The following RYR2 variants were observed in gnomAD, a reference collection of about 807,000 sequenced individuals.
The protein encoded by RYR2 is cardiac muscle ryanodine receptor-calcium release channel.
A neutral mutation model predicts 601.1 loss-of-function variants in RYR2; 227 were observed. That is an observed-to-expected ratio of 0.38 (90% CI 0.34 to 0.42). The LOEUF (loss-of-function observed/expected upper bound fraction) is 0.42, where lower values mean the gene tolerates loss of function less well. RYR2 is among the 10% of genes least tolerant of loss of function. RYR2 has a pLI of 1.00. For missense variants in RYR2, 4,646 were observed against 6,156.5 expected, an observed-to-expected ratio of 0.75 and a Z score of 8.21; for synonymous variants, 2,223 against 2,175.1, an observed-to-expected ratio of 1.02 and a Z score of -0.61.
intron 44 of RYR2, among the ~76,000 whole-genome samples, chr1:237,636,019 C>T (rs999702260): frequency 4.3e-5 from 5 of 115,334 alleles, no homozygotes; most frequent in African/African-American, 2.0e-4. Flanking sequence ...AAAACTGAAA[C>T]CTTTTCTCCA....
At position 237,791,575 on chromosome 1, in the gene RYR2, AGAT is replaced by A. The variant is rs1400338975; in HGVS notation, c.13563+61_13563+63del. On this transcript the variant is annotated intron_variant, in intron 93 of 104. Coordinates refer to ENST00000366574, the MANE Select transcript of RYR2 (RefSeq NM_001035.3). The stretch of plus-strand genomic sequence containing the variant: ...AAACTCCAAATAGAAATGAATGTAA[AGAT>A]TTCACGATGAACGTATCTACTACTG... 4.6e-6 allele frequency: 4 copies of A among 874,798 alleles called. No individual in the cohort carries two copies. The Admixed American group carries it at 8.1e-5, about 18-fold the overall frequency. 54.2% of individuals were successfully genotyped at this position (874,798 alleles called of 1,614,324 possible). A position where few individuals can be genotyped will look rare whatever the true frequency, so the allele number is the denominator to read the frequency against.
At position 237,687,519 on chromosome 1, in the gene RYR2, G is replaced by A; in HGVS notation, c.9067+15G>A. The A allele has an allele frequency of 6.3e-7, 1 of 1,597,962 alleles. No individual in the cohort carries two copies. The highest frequency in any genetic ancestry group is 8.6e-7 in the Non-Finnish European group (1 of 1,167,938). On this transcript the variant is annotated intron_variant, in intron 63 of 104. Coordinates refer to ENST00000366574, the MANE Select transcript of RYR2 (RefSeq NM_001035.3). Reference sequence around the variant, plus strand: ...TTCACTATTTGGTAAGGAGACCCTTGAAAAAATACAAGCATGGCCATCACT... The same window carrying A: ...TTCACTATTTGGTAAGGAGACCCTTAAAAAAATACAAGCATGGCCATCACT...
intron 3 of RYR2, chr1:237,352,704 C>A: frequency 4.6e-6 from 1 of 217,196 alleles, no homozygotes. Context: ...TTTAATGTTA[C>A]AATAAGACCG....
chr1:237,360,627 C>T (rs1397759291), intron 4 of RYR2, among the ~76,000 whole-genome samples: 1 of 151,984 alleles, frequency 6.6e-6, no homozygotes, highest in Non-Finnish European at 1.5e-5. Context: ...ACAAATCTGC[C>T]GAAAAATAGA....
chr1:237,425,846 G>C (rs1344049086), intron 12 of RYR2, among the ~76,000 whole-genome samples: 1 of 152,018 alleles, frequency 6.6e-6, no homozygotes, highest in Non-Finnish European at 1.5e-5. Flanking sequence ...TGTCGTTCAA[G>C]AATCAACTGT....
intron 1 of RYR2, among the ~76,000 whole-genome samples, chr1:237,054,976 T>C (rs1661798762): frequency 6.6e-6 from 1 of 152,170 alleles, no homozygotes; most frequent in Non-Finnish European, 1.5e-5. Context: ...CCGGGAGCAC[T>C]GTTTCCTTTC....
At chr1:237,508,588 T>G (rs1665509930) in intron 23 of RYR2, among the ~76,000 whole-genome samples, 1 of 152,044 alleles carries the variant, frequency 6.6e-6, no homozygotes, top group South Asian at 2.1e-4. Context: ...GTGGTTATGT[T>G]TTGCAGTGGA....
intron 3 of RYR2, among the ~76,000 whole-genome samples, chr1:237,338,604 T>C (rs1697466686): frequency 6.6e-6 from 1 of 152,236 alleles, no homozygotes; most frequent in Non-Finnish European, 1.5e-5. Flanking sequence ...AATAGCAGCC[T>C]GTTCAGTCTT....
intron 80 of RYR2, among the ~76,000 whole-genome samples, chr1:237,744,001 A>G (rs12143088): frequency 0.064 from 9,767 of 152,200 alleles, 376 homozygotes; most frequent in South Asian, 0.093. Flanking sequence ...TTACTTGAAA[A>G]CAGACATGAT....
At chr1:237,487,234 T>G (rs1160540824) in intron 17 of RYR2, among the ~76,000 whole-genome samples, 2 of 152,172 alleles carry the variant, frequency 1.3e-5, no homozygotes, top group African/African-American at 4.8e-5. Flanking sequence ...AAGCACTGTT[T>G]CTCTGCATCA....
intron 40 of RYR2, among the ~76,000 whole-genome samples, chr1:237,627,388 T>C (rs1679786075): frequency 6.6e-6 from 1 of 152,200 alleles, no homozygotes; most frequent in Admixed American, 6.5e-5. Flanking sequence ...AAGCATACCT[T>C]TTTGAATGTC....
At chr1:237,196,664 T>C (rs946850133) in intron 1 of RYR2, among the ~76,000 whole-genome samples, 1 of 152,182 alleles carries the variant, frequency 6.6e-6, no homozygotes, top group African/African-American at 2.4e-5. Flanking sequence ...AGTATCACAT[T>C]ATTTTAATAA....
chr1:237,145,210 A>G (rs1363032931), intron 1 of RYR2, among the ~76,000 whole-genome samples: 1 of 152,096 alleles, frequency 6.6e-6, no homozygotes, highest in East Asian at 1.9e-4. Context: ...CCCAGAACTT[A>G]AAGTATAATA....
intron 2 of RYR2, among the ~76,000 whole-genome samples, chr1:237,309,602 C>T (rs527654494): frequency 6.6e-6 from 1 of 152,252 alleles, no homozygotes; most frequent in Non-Finnish European, 1.5e-5. Flanking sequence ...GCAGGCGGAG[C>T]TGCCACCAGT....
In RYR2 at chr1:237,454,540, C is replaced by T; in HGVS notation, c.1442C>T (p.Ala481Val). 1 of 1,613,302 alleles carries T rather than the reference C, an allele frequency of 6.2e-7. No homozygotes were observed. Among genetic ancestry groups the T allele is most frequent in the South Asian group, 1.1e-5 (1 of 91,060 alleles). ...GAAGACAAACAGAACAGACTACGAG[C>T]CCTGAAGAATCGGCAAAATCTCTTC... Reference protein sequence around the residue: ...EHEDKQNRLRALKNRQNLFQE... With the variant: ...EHEDKQNRLRVLKNRQNLFQE... Residue 481 changes from alanine (A) to valine (V), a missense_variant, in exon 15 of 105, where the codon GCC (alanine) becomes GTC (valine). By Grantham distance (64) the Ala-to-Val change is moderately conservative. Coordinates refer to ENST00000366574, the MANE Select transcript of RYR2 (RefSeq NM_001035.3).
At chr1:237,274,741 A>G (rs554079401) in intron 2 of RYR2, among the ~76,000 whole-genome samples, 88 of 152,254 alleles carry the variant, frequency 5.8e-4, no homozygotes, top group African/African-American at 2.0e-3. Flanking sequence ...ATTTATTGTA[A>G]GGTGTCCTAT....
chr1:237,608,337 G>A (rs1049434658), intron 35 of RYR2, among the ~76,000 whole-genome samples: 2 of 152,134 alleles, frequency 1.3e-5, no homozygotes, highest in African/African-American at 2.4e-5. Flanking sequence ...CATACAACTC[G>A]GAGTAAAGGA....
At chr1:237,791,631 A>C in intron 93 of RYR2, 116 bp downstream of exon 93, 1 of 636,260 alleles carries the variant, frequency 1.6e-6, no homozygotes, top group East Asian at 2.8e-5. Context: ...ACCTATTATG[A>C]AATACTGGTG....
chr1:237,269,806 C>T (rs529921979), intron 1 of RYR2, among the ~76,000 whole-genome samples: 10 of 152,188 alleles, frequency 6.6e-5, no homozygotes, highest in Non-Finnish European at 1.3e-4. Flanking sequence ...CTGCAGCACT[C>T]CCACTGCCTG....
Sources: gnomAD v4.1 joint callset for allele counts (sites outside exome capture counted in the v4.1 genomes callset) on GRCh38, gnomAD v4.1.1 for gene constraint, MANE v1.5 for transcripts, NCBI Gene and HGNC (gene_info 2026-07-23, HGNC 2026-07-21) for gene names.